The following BANP variants were observed in gnomAD, a reference collection of about 807,000 sequenced individuals.
BANP encodes the protein BTG3 associated nuclear protein.
A neutral mutation model predicts 68.1 loss-of-function variants in BANP; 11 were observed. The ratio of observed to expected loss-of-function variants is 0.16; its 90% CI spans 0.10 to 0.27. BANP has a LOEUF of 0.27. BANP is among the 10% of genes least tolerant of loss of function. The probability of loss-of-function intolerance (pLI) is 1.00; values close to 1 mark genes in which losing one functional copy is unlikely to be tolerated. For missense variants in BANP, 504 were observed against 722.7 expected (o/e 0.70, Z 3.47); for synonymous variants, 329 against 303.2 (o/e 1.09, Z -0.88).
chr16:87,991,085 A>G (rs1343034484), intron 4 of BANP, among the ~76,000 whole-genome samples: 1 of 152,210 alleles, frequency 6.6e-6, no homozygotes, highest in African/African-American at 2.4e-5. Flanking sequence ...AAGTGACCTA[A>G]TAGTGACACC....
At position 87,985,036 on chromosome 16, in the gene BANP, G is replaced by C. The variant is rs554127910; in HGVS notation, c.362+777G>C. Among the ~76,000 whole-genome samples the C allele has an allele frequency of 5.4e-4, 82 of 152,318 alleles. 4 individuals carry two copies. The East Asian group carries it at 0.01, about 19-fold the overall frequency. ...GAGAGAATGGTGGGACGGCAGCGGGGGCGCCGGGGAGGACATGTGGACGCC... is the reference window on the plus strand; with the variant it reads ...GAGAGAATGGTGGGACGGCAGCGGGCGCGCCGGGGAGGACATGTGGACGCC... On this transcript the variant is annotated intron_variant, in intron 4 of 13. Transcript: ENST00000682872.
At chr16:87,988,880 C>A (rs1567675904) in intron 4 of BANP, among the ~76,000 whole-genome samples, 1 of 152,186 alleles carries the variant, frequency 6.6e-6, no homozygotes, top group East Asian at 1.9e-4. Flanking sequence ...GCAGCAGGGG[C>A]GTCACTAAGG....
chr16:87,953,004 A>G (rs1284962032), intron 1 of BANP, among the ~76,000 whole-genome samples: 1 of 152,142 alleles, frequency 6.6e-6, no homozygotes, highest in African/African-American at 2.4e-5. Flanking sequence ...TCTTTTTAAA[A>G]AAGAGCTTCC....
intron 6 of BANP, among the ~76,000 whole-genome samples, chr16:88,017,696 G>C (rs548725770): frequency 2.1e-4 from 32 of 152,326 alleles, no homozygotes; most frequent in African/African-American, 7.7e-4. Context: ...ATCGTCACAG[G>C]AGTGTGCTTT....
intron 4 of BANP, among the ~76,000 whole-genome samples, chr16:87,998,634 A>T (rs34957151): frequency 8.0e-6 from 1 of 124,424 alleles, no homozygotes; most frequent in African/African-American, 3.0e-5. Flanking sequence ...GGCTGTACTT[A>T]CCTGTCCTTC....
chr16:88,009,873 T>C (rs1404899706), intron 6 of BANP, among the ~76,000 whole-genome samples: 2 of 147,570 alleles, frequency 1.4e-5, no homozygotes, highest in Non-Finnish European at 2.9e-5. Context: ...AACAGTAGAC[T>C]GTGTCTCATT....
rs140748233 is a variant in BANP, at chr16:88,046,260, T to A, written c.1311+8249T>A. Among the ~76,000 whole-genome samples, 214 of 152,370 alleles carry A rather than the reference T, an allele frequency of 1.4e-3. 2 individuals carry two copies. The highest frequency in any genetic ancestry group is 4.8e-3 in the African/African-American group (201 of 41,590). Reference sequence around the variant, plus strand: ...TGTGTGTGTGTGATTTTAGAGATACTGTTTTAAAACTGCGTACTCAAAGCA... The same window carrying A: ...TGTGTGTGTGTGATTTTAGAGATACAGTTTTAAAACTGCGTACTCAAAGCA... On this transcript the variant is annotated intron_variant, in intron 11 of 13. Transcript: ENST00000682872.
intron 4 of BANP, among the ~76,000 whole-genome samples, chr16:87,996,164 G>T (rs1231775088): frequency 3.9e-5 from 6 of 152,322 alleles, no homozygotes; most frequent in Non-Finnish European, 1.5e-5. Context: ...ACCGACGGCG[G>T]TGTCTGGAGT....
At chr16:88,066,962 C>T (rs751739648) in intron 12 of BANP, among the ~76,000 whole-genome samples, 2 of 152,226 alleles carry the variant, frequency 1.3e-5, no homozygotes, top group Non-Finnish European at 2.9e-5. Flanking sequence ...GGGCACATTG[C>T]CACAGCGGCC....
chr16:88,016,665 C>T (rs2074638662), intron 6 of BANP, among the ~76,000 whole-genome samples: 1 of 152,216 alleles, frequency 6.6e-6, no homozygotes, highest in South Asian at 2.1e-4. Flanking sequence ...CAGCTGCGGC[C>T]TTTAGAGAGC....
Position 88,004,192 on chromosome 16 carries a change from G to A in BANP, c.363-103G>A, listed in dbSNP as rs557704118. 4.0e-6 allele frequency: 3 copies of A among 753,016 alleles called. No individual in the cohort carries two copies. The highest frequency in any genetic ancestry group is 1.7e-5 in the African/African-American group (1 of 58,038). The allele number at this position is 753,016 out of a possible 1,614,324, so 46.6% of individuals were successfully genotyped here. On this transcript the variant is annotated intron_variant, in intron 4 of 13. Transcript: ENST00000682872. This position sits in a 1 kb window ranked among gnomAD's most constrained non-coding sequence, Gnocchi z 7.0. The stretch of plus-strand genomic sequence containing the variant: ...GACTCTTAGGCCTCCCCCTCAGTGC[G>A]GGTCCCTGGGAGTGGACTGTGTTGA...
chr16:88,040,713 T>A (rs1282723824), intron 11 of BANP, among the ~76,000 whole-genome samples: 1 of 152,254 alleles, frequency 6.6e-6, no homozygotes, highest in Non-Finnish European at 1.5e-5. Context: ...CTCCCCGTAC[T>A]GTCCCGGAGG....
intron 1 of BANP, among the ~76,000 whole-genome samples, chr16:87,969,534 C>CTTTT (rs71156276): frequency 1.4e-5 from 2 of 139,004 alleles, no homozygotes; most frequent in African/African-American, 2.7e-5. Flanking sequence ...TCGAGATTGA[C>CTTTT]TTTTTTTTTT....
intron 1 of BANP, among the ~76,000 whole-genome samples, chr16:87,954,686 T>G (rs2144537319): frequency 6.6e-6 from 1 of 152,376 alleles, no homozygotes; most frequent in Middle Eastern, 3.4e-3. Flanking sequence ...CCCGCAGGGC[T>G]CTGCGAGGCT....
At position 87,989,205 on chromosome 16, in the gene BANP, G is replaced by A. The variant is rs11866036; in HGVS notation, c.362+4946G>A. 1.5e-3 allele frequency among the ~76,000 whole-genome samples: 232 copies of A among 152,336 alleles called. 1 individual carries two copies. Among genetic ancestry groups the A allele is most frequent in the African/African-American group, 5.3e-3 (221 of 41,560 alleles). Reference sequence around the variant, plus strand: ...TGGGCCTCATCCAACAGTCGTCATCGACTTGGGGACAAGAAAAATGGTCTT... The same window carrying A: ...TGGGCCTCATCCAACAGTCGTCATCAACTTGGGGACAAGAAAAATGGTCTT... On this transcript the variant is annotated intron_variant, in intron 4 of 13. Coordinates refer to ENST00000682872, the MANE Select transcript of BANP (RefSeq NM_001386991.1).
In BANP at chr16:87,978,765, AG is replaced by A. The variant is rs1485698375; in HGVS notation, c.71-2270del. On this transcript the variant is annotated intron_variant, in intron 2 of 13. Transcript: ENST00000682872. ...TGTCACAGGTGCTGATAATCAAAAC[AG>A]TCTCAGCCTTAACACGCTAAGTGAT... is the stretch of plus-strand genomic sequence containing the variant. The A allele has an allele frequency of 1.2e-5, 5 of 425,206 alleles. No individual in the cohort carries two copies. In the Admixed American group the frequency reaches 1.3e-4, roughly 11 times the overall value. The allele number at this position is 425,206 out of a possible 1,614,324, so 26.3% of individuals were successfully genotyped here. A position where few individuals can be genotyped will look rare whatever the true frequency, so the allele number is the denominator to read the frequency against.
chr16:88,060,772 C>G (rs2086528144), intron 11 of BANP, among the ~76,000 whole-genome samples: 1 of 152,156 alleles, frequency 6.6e-6, no homozygotes, highest in Non-Finnish European at 1.5e-5. Context: ...CCTGGGGACA[C>G]CTGAGCAGCG....
At chr16:88,015,188 C>A (rs1453233407) in intron 6 of BANP, among the ~76,000 whole-genome samples, 1 of 148,592 alleles carries the variant, frequency 6.7e-6, no homozygotes, top group Non-Finnish European at 1.5e-5. Flanking sequence ...GTGCCCTCTG[C>A]CCGTGCTCCT....
At chr16:87,951,170 A>G (rs76656090), upstream of BANP, among the ~76,000 whole-genome samples, 863 of 152,320 alleles carry the variant, frequency 5.7e-3, 6 homozygotes, top group African/African-American at 0.019. Context: ...AGAAGATGCA[A>G]ATTCCTCAGA....
Sources: allele counts gnomAD v4.1 joint callset (sites outside exome capture counted in the v4.1 genomes callset), GRCh38; gene constraint gnomAD v4.1.1; non-coding constraint Gnocchi (gnomAD v3.1); transcripts MANE v1.5; gene names NCBI Gene and HGNC (gene_info 2026-07-23, HGNC 2026-07-21).